The following ADD2 variants were observed in gnomAD, a reference collection of about 807,000 sequenced individuals.
ADD2 encodes the protein adducin 2.
Under a neutral mutation model 83.0 loss-of-function variants are expected in ADD2, and 23 were observed. The observed-to-expected ratio is 0.28, with a 90% CI of 0.20 to 0.39. ADD2 has a LOEUF of 0.39. Among genes scored for constraint, ADD2 ranks in the 10% least tolerant of loss-of-function variants. The probability of loss-of-function intolerance (pLI) is 1.00; values close to 1 mark genes in which losing one functional copy is unlikely to be tolerated. For synonymous variants in ADD2, 375 were observed against 375.4 expected (o/e 1.00, Z 0.01); for missense variants, 758 against 944.9 (o/e 0.80, Z 2.59).
intron 4 of ADD2, among the ~76,000 whole-genome samples, chr2:70,698,350 C>T (rs1671413857): frequency 6.6e-6 from 1 of 152,134 alleles, no homozygotes; most frequent in African/African-American, 2.4e-5. Flanking sequence ...ATGACCTCAC[C>T]CACAGGTACA....
chr2:70,765,134 C>T (rs1675312286), intron 1 of ADD2, among the ~76,000 whole-genome samples: 1 of 152,074 alleles, frequency 6.6e-6, no homozygotes, highest in African/African-American at 2.4e-5. Context: ...AGGTGGATCG[C>T]TTGAGGCCAA....
chr2:70,737,741 A>T (rs966543849), intron 1 of ADD2, among the ~76,000 whole-genome samples: 13 of 152,308 alleles, frequency 8.5e-5, no homozygotes, highest in South Asian at 2.1e-4. Context: ...AAATAAATTT[A>T]AAAAAGAGGC....
chr2:70,665,834 C>T (rs56151228), intron 15 of ADD2, among the ~76,000 whole-genome samples: 256 of 144,792 alleles, frequency 1.8e-3, no homozygotes, highest in African/African-American at 6.8e-3. Flanking sequence ...TTTTTTTTCC[C>T]GAAACAGTCC....
intron 15 of ADD2, among the ~76,000 whole-genome samples, chr2:70,664,376 T>C (rs932661347): frequency 6.6e-6 from 1 of 152,148 alleles, no homozygotes; most frequent in East Asian, 1.9e-4. Flanking sequence ...TGGGAATCTG[T>C]CGGGATCGCG....
At chr2:70,668,664 G>A (rs1646330356) in intron 15 of ADD2, among the ~76,000 whole-genome samples, 1 of 152,210 alleles carries the variant, frequency 6.6e-6, no homozygotes, top group African/African-American at 2.4e-5. Flanking sequence ...CCTTGTATCA[G>A]CTCAGCAGCT....
chr2:70,738,363 A>C (rs1400267748), intron 1 of ADD2, among the ~76,000 whole-genome samples: 1 of 152,230 alleles, frequency 6.6e-6, no homozygotes, highest in African/African-American at 2.4e-5. Context: ...ATGATGAATG[A>C]TCATTTACTC....
chr2:70,677,060 G>A (rs1670188899), intron 12 of ADD2, among the ~76,000 whole-genome samples, 175 bp from the exon 13 acceptor site: 1 of 152,166 alleles, frequency 6.6e-6, no homozygotes, highest in Non-Finnish European at 1.5e-5. Flanking sequence ...GTCTGTTCCA[G>A]GGTGAATTAG....
chr2:70,689,729 G>C (rs913796926), intron 8 of ADD2, among the ~76,000 whole-genome samples: 1 of 152,198 alleles, frequency 6.6e-6, no homozygotes, highest in Non-Finnish European at 1.5e-5. Flanking sequence ...CATCAACCAA[G>C]ACTAGCCTCC....
In ADD2 at chr2:70,660,012, A is replaced by G. The variant is rs536038675; in HGVS notation, c.*3413T>C. 11 of 152,328 alleles carry G rather than the reference A, an allele frequency of 7.2e-5. No homozygotes were observed. In the South Asian group the frequency reaches 2.3e-3, roughly 32 times the overall value. 9.4% of individuals were successfully genotyped at this position (152,328 alleles called of 1,614,324 possible). A position where few individuals can be genotyped will look rare whatever the true frequency, so the allele number is the denominator to read the frequency against. On this transcript the variant is annotated 3_prime_UTR_variant, in exon 16 of 16. Coordinates refer to ENST00000264436, the MANE Select transcript of ADD2 (RefSeq NM_001617.4). ...GCCCACCAAATCTGAGCTCTTGAAT[A>G]CACATTTTCTCCAGTCAGATATTGG... is the stretch of plus-strand genomic sequence containing the variant.
chr2:70,731,059 T>C (rs1553379210), intron 1 of ADD2, among the ~76,000 whole-genome samples: 1 of 152,208 alleles, frequency 6.6e-6, no homozygotes, highest in East Asian at 1.9e-4. Context: ...GCTTTCTTCC[T>C]GGTGCTTTGC....
intron 1 of ADD2, among the ~76,000 whole-genome samples, chr2:70,729,950 A>G (rs1393894852): frequency 6.6e-6 from 1 of 152,228 alleles, no homozygotes; most frequent in African/African-American, 2.4e-5. Flanking sequence ...ACTTTCTTTT[A>G]ATATATGTAG....
chr2:70,742,605 T>G (rs1673975240), intron 1 of ADD2, among the ~76,000 whole-genome samples: 1 of 152,174 alleles, frequency 6.6e-6, no homozygotes, highest in Admixed American at 6.5e-5. Flanking sequence ...TGGTACCTAT[T>G]GATTCTTCAA....
At chr2:70,737,940 C>A (rs4852704) in intron 1 of ADD2, among the ~76,000 whole-genome samples, 51,963 of 151,756 alleles carry the variant, frequency 0.34, 8,953 homozygotes, top group Middle Eastern at 0.41. Flanking sequence ...ATTACTATCC[C>A]CCTTTTATAG....
chr2:70,756,074 A>G (rs200104191), intron 1 of ADD2, among the ~76,000 whole-genome samples: 1 of 83,212 alleles, frequency 1.2e-5, no homozygotes, highest in South Asian at 3.4e-4. Flanking sequence ...AAAAAAAGAA[A>G]AAAAAAAAAA....
intron 3 of ADD2, among the ~76,000 whole-genome samples, chr2:70,704,995 C>T (rs1364024798): frequency 6.6e-6 from 1 of 152,156 alleles, no homozygotes; most frequent in Non-Finnish European, 1.5e-5. Flanking sequence ...AGCAAGGAAT[C>T]CTGCCCACCA....
intron 10 of ADD2, among the ~76,000 whole-genome samples, chr2:70,679,717 C>T (rs528285061): frequency 1.1e-4 from 17 of 151,788 alleles, no homozygotes; most frequent in East Asian, 5.8e-4. Flanking sequence ...AAGGAAAAAA[C>T]GGAATTTTAT....
At chr2:70,679,032 A>G (rs1207694601) in intron 10 of ADD2, 71 bp from the exon 11 acceptor site, 2 of 1,495,302 alleles carry the variant, frequency 1.3e-6, no homozygotes, top group South Asian at 1.3e-5. Context: ...ACATGCACAC[A>G]CACCTTTCCT....
At chr2:70,761,636 C>A in intron 1 of ADD2, among the ~76,000 whole-genome samples, 2 of 143,496 alleles carry the variant, frequency 1.4e-5, no homozygotes, top group Non-Finnish European at 1.5e-5. Flanking sequence ...TTAAAGTATA[C>A]TAAATCTCTC....
At chr2:70,704,263 T>TGCCCCCCCCCCCCACCCCCCCC in intron 4 of ADD2, 58 bp downstream of exon 4, 1 of 913,238 alleles carries the variant, frequency 1.1e-6, no homozygotes, top group Non-Finnish European at 1.7e-6. Flanking sequence ...CTCCCTCTCT[T>TGCCCCCCCCCCCCACCCCCCCC]CCCCACCCCA....
Sources: gnomAD v4.1 joint callset for allele counts (sites outside exome capture counted in the v4.1 genomes callset) on GRCh38, gnomAD v4.1.1 for gene constraint, MANE v1.5 for transcripts, NCBI Gene and HGNC (gene_info 2026-07-23, HGNC 2026-07-21) for gene names.